The following PRKCE variants were observed in gnomAD, a reference collection of about 807,000 sequenced individuals.
The protein encoded by PRKCE is protein kinase C epsilon.
In PRKCE, 16 loss-of-function variants were observed where a neutral mutation model predicts 85.4. The ratio of observed to expected loss-of-function variants is 0.19; its 90% CI spans 0.13 to 0.28. The LOEUF (loss-of-function observed/expected upper bound fraction) is 0.28. Among genes scored for constraint, PRKCE ranks in the 10% least tolerant of loss-of-function variants. PRKCE has a pLI of 1.00. For synonymous variants in PRKCE, 388 were observed against 371.5 expected (o/e 1.04, Z -0.51); for missense variants, 573 against 975.2 (o/e 0.59, Z 5.49).
chr2:45,888,585 G>C (rs1414825673), intron 2 of PRKCE, among the ~76,000 whole-genome samples: 1 of 149,334 alleles, frequency 6.7e-6, no homozygotes, highest in East Asian at 2.0e-4. Context: ...CCAGTAGCTG[G>C]AATTACAGGT....
chr2:46,126,305 C>G (rs915118565), intron 11 of PRKCE, among the ~76,000 whole-genome samples: 3 of 152,124 alleles, frequency 2.0e-5, no homozygotes, highest in African/African-American at 4.8e-5. Flanking sequence ...CAGTGGTAAA[C>G]AAGACTCAGT....
At chr2:45,870,277 T>C (rs902379103) in intron 2 of PRKCE, among the ~76,000 whole-genome samples, 2 of 152,166 alleles carry the variant, frequency 1.3e-5, no homozygotes, top group Non-Finnish European at 2.9e-5. Flanking sequence ...GTGCAATTCA[T>C]GGAGTACTTG....
chr2:45,814,114 C>G (rs567101042), intron 1 of PRKCE, among the ~76,000 whole-genome samples: 8 of 152,076 alleles, frequency 5.3e-5, no homozygotes, highest in African/African-American at 1.9e-4. Context: ...GAGTTTCAAA[C>G]TGGAATAGTG....
At chr2:45,828,890 C>T (rs1003390939) in intron 1 of PRKCE, among the ~76,000 whole-genome samples, 1 of 152,070 alleles carries the variant, frequency 6.6e-6, no homozygotes, top group Non-Finnish European at 1.5e-5. Flanking sequence ...TTTTCTTTAG[C>T]ATATGTACCT....
intron 1 of PRKCE, among the ~76,000 whole-genome samples, chr2:45,765,456 G>A (rs1008865572): frequency 1.3e-5 from 2 of 152,172 alleles, no homozygotes; most frequent in Admixed American, 6.5e-5. Context: ...AACCATCTCC[G>A]TTTGGCCTCG....
At chr2:45,970,924 T>C (rs1434257682) in intron 2 of PRKCE, among the ~76,000 whole-genome samples, 1 of 150,736 alleles carries the variant, frequency 6.6e-6, no homozygotes, top group African/African-American at 2.4e-5. Context: ...TATATATACA[T>C]ACACATATAC....
intron 3 of PRKCE, 24 bp downstream of exon 3, chr2:45,976,612 C>G: frequency 1.9e-6 from 3 of 1,595,744 alleles, no homozygotes; most frequent in African/African-American, 1.3e-5. Flanking sequence ...TTGGGAACCT[C>G]TAATTACAAC....
At position 46,086,285 on chromosome 2, in the gene PRKCE, C is replaced by T. The variant is rs1420620919; in HGVS notation, c.1515C>T (p.Asp505=). 9 of 1,599,594 alleles carry T rather than the reference C, an allele frequency of 5.6e-6. No homozygotes were observed. The highest frequency in any genetic ancestry group is 2.2e-5 in the South Asian group (2 of 91,088). Residue 505 remains aspartate (D), a synonymous_variant, in exon 11 of 15, where the codon GAC becomes GAT. Coordinates refer to ENST00000306156, the MANE Select transcript of PRKCE (RefSeq NM_005400.3). ...AGATTCAGCGCTCCCGAAAATTCGA[C>T]GAGCCTCGTTCACGGTTCTATGCTG... ...MFQIQRSRKF[D]EPRSRFYAAE...
chr2:46,055,568 G>A (rs982245282), intron 10 of PRKCE, among the ~76,000 whole-genome samples: 1 of 152,180 alleles, frequency 6.6e-6, no homozygotes, highest in Admixed American at 6.5e-5. Flanking sequence ...ACCCCTACCA[G>A]ATAGAAAATT....
At chr2:45,735,785 C>A (rs919663959) in intron 1 of PRKCE, among the ~76,000 whole-genome samples, 7 of 152,190 alleles carry the variant, frequency 4.6e-5, no homozygotes, top group South Asian at 2.1e-4. Flanking sequence ...TTCTGGGGAA[C>A]ATAGACGCCA....
intron 2 of PRKCE, among the ~76,000 whole-genome samples, chr2:45,858,815 C>T (rs60327045): frequency 0.1 from 15,478 of 151,822 alleles, 1,154 homozygotes; most frequent in East Asian, 0.26. Context: ...CCAAGGCGGG[C>T]GGATCACTTG....
At chr2:45,904,388 G>A (rs1481087221) in intron 2 of PRKCE, among the ~76,000 whole-genome samples, 3 of 152,072 alleles carry the variant, frequency 2.0e-5, no homozygotes, top group Non-Finnish European at 2.9e-5. Context: ...AATCACAGGG[G>A]GAGAAGATGA....
intron 1 of PRKCE, among the ~76,000 whole-genome samples, chr2:45,653,259 G>A (rs1462971931): frequency 6.6e-6 from 1 of 151,732 alleles, no homozygotes; most frequent in Non-Finnish European, 1.5e-5. Flanking sequence ...TTAAGGATTT[G>A]GAAAGAGGTC....
intron 1 of PRKCE, among the ~76,000 whole-genome samples, chr2:45,817,993 C>T (rs999360538): frequency 6.6e-6 from 1 of 152,294 alleles, no homozygotes; most frequent in East Asian, 1.9e-4. Flanking sequence ...CTTCTCAGCC[C>T]CGGAGCTGAG....
intron 2 of PRKCE, among the ~76,000 whole-genome samples, chr2:45,897,415 G>A (rs149425416): frequency 1.3e-5 from 2 of 152,230 alleles, no homozygotes; most frequent in Admixed American, 1.3e-4. Context: ...TTTTGGTCAG[G>A]TTGCCCATCT....
intron 11 of PRKCE, among the ~76,000 whole-genome samples, chr2:46,095,760 G>T (rs577772630): frequency 6.6e-6 from 1 of 152,238 alleles, no homozygotes; most frequent in African/African-American, 2.4e-5. Context: ...CTCCATCTTT[G>T]TGTGTAATTT....
rs1324392306 is a variant in PRKCE at position 45,651,869 on chromosome 2, T to C, written c.-232T>C. ...GAGAGACTTGCTCCAAACACGGACATCCCCCAGCTCTCCCCCCTCCCTGTT... is the reference window on the plus strand; with the variant it reads ...GAGAGACTTGCTCCAAACACGGACACCCCCCAGCTCTCCCCCCTCCCTGTT... On this transcript the variant is annotated 5_prime_UTR_variant, in exon 1 of 15. Coordinates refer to ENST00000306156, the MANE Select transcript of PRKCE (RefSeq NM_005400.3). 2.3e-6 allele frequency: 1 copy of C among 441,934 alleles called. No individual in the cohort carries two copies. Among genetic ancestry groups the C allele is most frequent in the Admixed American group, 4.0e-5 (1 of 25,254 alleles). 27.4% of individuals were successfully genotyped at this position (441,934 alleles called of 1,614,324 possible). A position where few individuals can be genotyped will look rare whatever the true frequency, so the allele number is the denominator to read the frequency against.
At chr2:45,787,906 G>T (rs188829527) in intron 1 of PRKCE, among the ~76,000 whole-genome samples, 1 of 152,180 alleles carries the variant, frequency 6.6e-6, no homozygotes, top group Non-Finnish European at 1.5e-5. Flanking sequence ...AGAGCATTGC[G>T]ATCCTGCCAG....
chr2:45,809,353 C>A (rs373872976), intron 1 of PRKCE, among the ~76,000 whole-genome samples: 2 of 152,076 alleles, frequency 1.3e-5, no homozygotes, highest in African/African-American at 4.8e-5. Flanking sequence ...TAGAATGTGA[C>A]CTTGAGAAGC....
Sources: allele counts gnomAD v4.1 joint callset (sites outside exome capture counted in the v4.1 genomes callset), GRCh38; gene constraint gnomAD v4.1.1; transcripts MANE v1.5; gene names NCBI Gene and HGNC (gene_info 2026-07-23, HGNC 2026-07-21).